The following CENATAC variants were observed in gnomAD, a reference collection of about 807,000 sequenced individuals.
The protein encoded by CENATAC is centrosomal AT-AC splicing factor, also known as coiled-coil domain containing 84.
A neutral mutation model predicts 53.7 loss-of-function variants in CENATAC; 53 were observed. The observed-to-expected ratio is 0.99, with a 90% CI of 0.79 to 1.24. CENATAC has a LOEUF of 1.24. Ranked by LOEUF, CENATAC falls within the 50% of genes most tolerant of loss-of-function variation. CENATAC has a pLI of 0.00. For missense variants in CENATAC, 474 were observed against 417.8 expected (o/e 1.13, Z -1.17); for synonymous variants, 156 against 144.6 (o/e 1.08, Z -0.57).
At chr11:119,010,709 T>G in intron 3 of CENATAC, 55 bp from the exon 4 acceptor site, 1 of 1,492,766 alleles carries the variant, frequency 6.7e-7, no homozygotes, top group East Asian at 2.3e-5. Context: ...GAGGAGCTTT[T>G]CGTTTTAACT....
intron 3 of CENATAC, 114 bp downstream of exon 3, chr11:118,999,223 C>A: frequency 1.4e-6 from 1 of 739,714 alleles, no homozygotes; most frequent in Non-Finnish European, 2.3e-6. Flanking sequence ...GAAGAATCTG[C>A]TGTCTTCATA....
intron 4 of CENATAC, 108 bp from the exon 5 acceptor site, chr11:119,011,113 C>A (rs1419603563): frequency 1.1e-6 from 1 of 907,636 alleles, no homozygotes; most frequent in Non-Finnish European, 1.7e-6. Flanking sequence ...AGGCCACAGA[C>A]CAGTACTGGT....
intron 3 of CENATAC, chr11:119,002,965 T>C: frequency 2.2e-6 from 1 of 447,040 alleles, no homozygotes; most frequent in Non-Finnish European, 4.3e-6. Context: ...TTTTTTTTAA[T>C]GGTGAAAAGA....
Position 119,014,974 on chromosome 11 carries a change from A to AAG in CENATAC, c.716-20_716-19insAG. 4.1e-6 allele frequency: 6 copies of AAG among 1,459,498 alleles called. No individual in the cohort carries two copies. The highest frequency in any genetic ancestry group is 1.4e-5 in the African/African-American group (1 of 70,026). 90.4% of individuals were successfully genotyped at this position (1,459,498 alleles called of 1,614,324 possible). Reference sequence around the variant, plus strand: ...CTGAAGACTTAAAAAAAAAAAAAAAAGCCTTAATTTTTTTTTCAGGTGCCA... The same window carrying AAG: ...CTGAAGACTTAAAAAAAAAAAAAAAAAGGCCTTAATTTTTTTTTCAGGTGCCA... On this transcript the variant is annotated intron_variant, in intron 8 of 10. Coordinates refer to ENST00000334418, the MANE Select transcript of CENATAC (RefSeq NM_198489.3).
intron 5 of CENATAC, 46 bp downstream of exon 5, chr11:119,011,329 TC>T (rs745754755): frequency 5.0e-5 from 78 of 1,555,766 alleles, no homozygotes; most frequent in Non-Finnish European, 6.4e-5. Context: ...AATCCACTGA[TC>T]CCTGGCATTC....
chr11:118,999,927 C>T (rs570283901), intron 3 of CENATAC, among the ~76,000 whole-genome samples: 1 of 152,314 alleles, frequency 6.6e-6, no homozygotes, highest in African/African-American at 2.4e-5. Context: ...CAGGCGTGAG[C>T]CACCGCGCCC....
At position 118,998,439 on chromosome 11, in the gene CENATAC, G is replaced by T; in HGVS notation, c.130G>T (p.Ala44Ser). The T allele has an allele frequency of 6.2e-7, 1 of 1,611,988 alleles. No individual in the cohort carries two copies. Among genetic ancestry groups the T allele is most frequent in the South Asian group, 1.1e-5 (1 of 90,968 alleles). ...GGCCTCTCTGCGGCAGGTGGAGGCG[G>T]CCCGCAAGGCCATCCGCGCCGCTCA... is the stretch of plus-strand genomic sequence containing the variant. ...LERLLPQVEA[A>S]RKAIRAAQVE... The change falls in exon 2 of 11, where the codon GCC becomes TCC. Residue 44 changes from alanine to serine, a missense_variant. By Grantham distance (99) the Ala-to-Ser change is moderately conservative. Coordinates refer to ENST00000334418, the MANE Select transcript of CENATAC (RefSeq NM_198489.3).
At chr11:119,006,247 T>TC (rs1459806369) in intron 3 of CENATAC, among the ~76,000 whole-genome samples, 1 of 149,964 alleles carries the variant, frequency 6.7e-6, no homozygotes, top group Non-Finnish European at 1.5e-5. Flanking sequence ...CCTTTTTTTT[T>TC]TTTTTTGAGA....
chr11:118,999,050 G>A lies in CENATAC; in HGVS notation c.324G>A (p.Glu108=), dbSNP rs1942155991. 2 of 1,613,996 alleles carry A rather than the reference G, an allele frequency of 1.2e-6. No individual in the cohort carries two copies. The highest frequency in any genetic ancestry group is 2.7e-5 in the African/African-American group (2 of 74,912). ...HKKATNKFWW[E]NKAEVQMKEK... ...AAGCAACCAACAAATTCTGGTGGGAGAACAAAGCTGAGGTCCAGATGAAAG... is the reference window on the plus strand; with the variant it reads ...AAGCAACCAACAAATTCTGGTGGGAAAACAAAGCTGAGGTCCAGATGAAAG... The change falls in exon 3 of 11, where the codon GAG becomes GAA. Residue 108 remains glutamate (E), a synonymous_variant. Coordinates refer to ENST00000334418, the MANE Select transcript of CENATAC (RefSeq NM_198489.3).
chr11:119,014,941 AC>A (rs1349057705), intron 8 of CENATAC, 52 bp from the exon 9 acceptor site: 4 of 1,262,510 alleles, frequency 3.2e-6, no homozygotes, highest in African/African-American at 1.6e-5. Context: ...GACATGTTTC[AC>A]AATAGCCTGA....
In CENATAC at chr11:119,015,291, C is replaced by T; in HGVS notation, c.806-16C>T. On this transcript the variant is annotated splice_polypyrimidine_tract_variant and intron_variant, in intron 9 of 10. Transcript: ENST00000334418. ...CTTCAATAAAGAAAAATAAAAGTTT[C>T]CCTATCATTGTACAGAGGAAAAACA... 1 of 1,591,504 alleles carries T rather than the reference C, an allele frequency of 6.3e-7. No individual in the cohort carries two copies. Among genetic ancestry groups the T allele is most frequent in the East Asian group, 2.2e-5 (1 of 44,718 alleles).
At chr11:119,010,498 C>T (rs1942816195) in intron 3 of CENATAC, 1 of 475,342 alleles carries the variant, frequency 2.1e-6, no homozygotes, top group African/African-American at 1.9e-5. Context: ...AATGTTCCTC[C>T]TCTTGGGAGA....
chr11:119,013,195 C>CT (rs781905713), intron 7 of CENATAC, 37 bp from the exon 8 acceptor site: 10 of 1,554,546 alleles, frequency 6.4e-6, no homozygotes, highest in South Asian at 1.2e-5. Flanking sequence ...CATGCCTAGA[C>CT]TTTAACTAGC....
At chr11:119,010,649 CTGTTT>C in intron 3 of CENATAC, 110 bp from the exon 4 acceptor site, 1 of 883,826 alleles carries the variant, frequency 1.1e-6, no homozygotes, top group Non-Finnish European at 1.8e-6. Context: ...GCTTACTATA[CTGTTT>C]TGTTTCTGAA....
intron 3 of CENATAC, among the ~76,000 whole-genome samples, chr11:119,005,329 G>A (rs1010404006): frequency 2.0e-5 from 3 of 151,928 alleles, no homozygotes; most frequent in African/African-American, 7.3e-5. Flanking sequence ...ACCCAGACGA[G>A]GTGGTGGGTG....
chr11:119,004,473 C>A (rs1942476723), intron 3 of CENATAC: 1 of 152,214 alleles, frequency 6.6e-6, no homozygotes, highest in Non-Finnish European at 1.5e-5. Flanking sequence ...GTCTCGAACT[C>A]CTGACCTCAT....
intron 3 of CENATAC, among the ~76,000 whole-genome samples, chr11:119,001,226 C>T (rs1942279092): frequency 6.6e-6 from 1 of 152,178 alleles, no homozygotes; most frequent in South Asian, 2.1e-4. Context: ...GCAGATACAA[C>T]ACTTGAGTTC....
At chr11:119,014,902 TTAA>T in intron 8 of CENATAC, 89 bp from the exon 9 acceptor site, 3 of 836,998 alleles carry the variant, frequency 3.6e-6, no homozygotes, top group Non-Finnish European at 5.6e-6. Context: ...TTTCTAGCTC[TTAA>T]TGAGGAGAGG....
At chr11:119,013,485 A>T (rs1195170239) in intron 8 of CENATAC, among the ~76,000 whole-genome samples, 1 of 129,470 alleles carries the variant, frequency 7.7e-6, no homozygotes, top group African/African-American at 3.0e-5. Context: ...TTTTTTTGAG[A>T]CGGAGTCTCG....
Sources: gnomAD v4.1 joint callset for allele counts (sites outside exome capture counted in the v4.1 genomes callset) on GRCh38, gnomAD v4.1.1 for gene constraint, MANE v1.5 for transcripts, NCBI Gene and HGNC (gene_info 2026-07-23, HGNC 2026-07-21) for gene names.